Variants in PPP2R2B observed in about 807,000 individuals in gnomAD.
PPP2R2B encodes serine/threonine-protein phosphatase 2A 55 kDa regulatory subunit B beta isoform.
A neutral mutation model predicts 46.0 loss-of-function variants in PPP2R2B; 5 were observed. That is an observed-to-expected ratio of 0.11 (90% CI 0.06 to 0.23). PPP2R2B has a LOEUF of 0.23. Among genes scored for constraint, PPP2R2B ranks in the 10% least tolerant of loss-of-function variants. The pLI is 1.00. For missense variants in PPP2R2B, 367 were observed against 575.0 expected (o/e 0.64, Z 3.70); for synonymous variants, 215 against 206.7 (o/e 1.04, Z -0.34).
intron 2 of PPP2R2B, among the ~76,000 whole-genome samples, chr5:146,709,969 T>C (rs941760754): frequency 6.6e-6 from 1 of 152,232 alleles, no homozygotes; most frequent in African/African-American, 2.4e-5. Flanking sequence ...GAAACTCCCT[T>C]GCCTTACAAC....
intron 2 of PPP2R2B, among the ~76,000 whole-genome samples, chr5:146,764,800 C>CGAGAGA (rs67810307): frequency 0.013 from 2,023 of 149,928 alleles, 37 homozygotes; most frequent in African/African-American, 0.041. Flanking sequence ...ATCTCTATCC[C>CGAGAGA]GAGAGAGAGA....
intron 1 of PPP2R2B, among the ~76,000 whole-genome samples, chr5:146,983,585 A>G (rs1437191342): frequency 1.3e-5 from 2 of 152,188 alleles, no homozygotes; most frequent in African/African-American, 2.4e-5. Flanking sequence ...TCCCAGTTCT[A>G]GTAAACTACA....
At chr5:146,935,355 A>T (rs545006343) in intron 1 of PPP2R2B, among the ~76,000 whole-genome samples, 82 of 152,310 alleles carry the variant, frequency 5.4e-4, no homozygotes, top group African/African-American at 1.9e-3. Context: ...CAGCACTTTA[A>T]CCTTGGACTT....
chr5:147,054,233 T>G (rs996587633), intron 1 of PPP2R2B, among the ~76,000 whole-genome samples: 4 of 152,160 alleles, frequency 2.6e-5, no homozygotes, highest in Admixed American at 2.6e-4. Context: ...TTTCAAAGTC[T>G]AAGCAGGCAG....
At chr5:146,775,674 G>A (rs1382243036) in intron 2 of PPP2R2B, among the ~76,000 whole-genome samples, 1 of 152,108 alleles carries the variant, frequency 6.6e-6, no homozygotes, top group Non-Finnish European at 1.5e-5. Context: ...TAGAAAGGAA[G>A]AAGTAAAACT....
intron 7 of PPP2R2B, chr5:146,606,994 G>C (rs1015611269): frequency 6.6e-6 from 1 of 152,168 alleles, no homozygotes; most frequent in African/African-American, 2.4e-5. Flanking sequence ...ACGTTCTTCC[G>C]TTTGGAGACA....
At chr5:146,930,987 C>T (rs1430432197) in intron 1 of PPP2R2B, among the ~76,000 whole-genome samples, 1 of 152,090 alleles carries the variant, frequency 6.6e-6, no homozygotes, top group Non-Finnish European at 1.5e-5. Context: ...CTCACGTGTC[C>T]AGTGAATGTA....
chr5:146,755,090 G>T (rs958893405), intron 2 of PPP2R2B, among the ~76,000 whole-genome samples: 1 of 152,114 alleles, frequency 6.6e-6, no homozygotes, highest in African/African-American at 2.4e-5. Context: ...TACACACATG[G>T]AGACAAATGT....
At chr5:147,014,739 T>TGGGGGGG (rs1754915000) in intron 1 of PPP2R2B, among the ~76,000 whole-genome samples, 1 of 64,852 alleles carries the variant, frequency 1.5e-5, no homozygotes, top group African/African-American at 6.3e-5. Context: ...TGTTGTGGGG[T>TGGGGGGG]AGGGGGAGGG....
chr5:146,693,883 G>A (rs1779024499), intron 4 of PPP2R2B, among the ~76,000 whole-genome samples: 1 of 152,190 alleles, frequency 6.6e-6, no homozygotes, highest in Admixed American at 6.5e-5. Flanking sequence ...CCTCAATGAT[G>A]TCAGCACATC....
chr5:146,985,017 C>CTTTTTTTT (rs34277498), intron 1 of PPP2R2B, among the ~76,000 whole-genome samples: 12 of 99,492 alleles, frequency 1.2e-4, no homozygotes, highest in East Asian at 2.9e-4. Context: ...TTTTCTTTTT[C>CTTTTTTTT]TTTTTTTTTT....
chr5:146,835,902 A>C (rs1759251563), intron 2 of PPP2R2B, among the ~76,000 whole-genome samples: 1 of 152,160 alleles, frequency 6.6e-6, no homozygotes, highest in Non-Finnish European at 1.5e-5. Flanking sequence ...TTAGAGCCTA[A>C]TGAAGTGGGT....
At chr5:146,802,350 G>T (rs191808856) in intron 2 of PPP2R2B, among the ~76,000 whole-genome samples, 12 of 152,268 alleles carry the variant, frequency 7.9e-5, no homozygotes, top group Admixed American at 6.5e-4. Context: ...GAACTCAACA[G>T]GGGGGTGGCA....
chr5:146,915,980 A>C (rs565405924), intron 1 of PPP2R2B, among the ~76,000 whole-genome samples: 1 of 152,298 alleles, frequency 6.6e-6, no homozygotes, highest in African/African-American at 2.4e-5. Context: ...GTTTTTAGAA[A>C]CCGGACTTGT....
At chr5:146,736,368 A>C (rs1472722262) in intron 2 of PPP2R2B, among the ~76,000 whole-genome samples, 5 of 152,212 alleles carry the variant, frequency 3.3e-5, no homozygotes, top group Admixed American at 1.3e-4. Context: ...ATGCCCTGCC[A>C]CATATTTTAC....
At chr5:146,731,816 T>C (rs1752248633) in intron 2 of PPP2R2B, among the ~76,000 whole-genome samples, 1 of 152,220 alleles carries the variant, frequency 6.6e-6, no homozygotes, top group Admixed American at 6.5e-5. Flanking sequence ...TGACAAGAAT[T>C]TGGACAGAGT....
Position 146,707,603 on chromosome 5 carries a change from GA to G in PPP2R2B, c.71-6462del, listed in dbSNP as rs962086852. 136 of 658,244 alleles carry G rather than the reference GA, an allele frequency of 2.1e-4. No individual in the cohort carries two copies. In the African/African-American group the frequency reaches 2.3e-3, roughly 11 times the overall value. 40.8% of individuals were successfully genotyped at this position (658,244 alleles called of 1,614,324 possible). ...CTTCTGCACCCTGATGGACATGGTGGAGGCAGGAGTGGAGGCAGGCGGGCTG... is the reference window on the plus strand; with the variant it reads ...CTTCTGCACCCTGATGGACATGGTGGGGCAGGAGTGGAGGCAGGCGGGCTG... On this transcript the variant is annotated intron_variant, in intron 2 of 9. Coordinates refer to ENST00000394411, the MANE Select transcript of PPP2R2B (RefSeq NM_181675.4).
rs973616577 is a variant in PPP2R2B, at chr5:146,946,670, T to C, written c.79+108995A>G. 8.5e-5 allele frequency among the ~76,000 whole-genome samples: 13 copies of C among 152,270 alleles called. No individual in the cohort carries two copies. The East Asian group carries it at 2.1e-3, about 25-fold the overall frequency. ...TGTAGAGTATATAAAATCTTTTCTA[T>C]GTCTAATTTGCATTGCAAATTGAGA... On this transcript the variant is annotated intron_variant, in intron 1 of 8. Coordinates refer to the PPP2R2B transcript ENST00000336640.
intron 1 of PPP2R2B, among the ~76,000 whole-genome samples, chr5:146,929,547 A>T (rs912841736): frequency 6.6e-6 from 1 of 152,190 alleles, no homozygotes; most frequent in Non-Finnish European, 1.5e-5. Context: ...AAAAAAATTG[A>T]TTGGGAAATG....
Sources: gnomAD v4.1 joint callset for allele counts (sites outside exome capture counted in the v4.1 genomes callset) on GRCh38, gnomAD v4.1.1 for gene constraint, MANE v1.5 for transcripts, NCBI Gene and HGNC (gene_info 2026-07-23, HGNC 2026-07-21) for gene names.